Variants in ATP8A2 observed in about 807,000 individuals in gnomAD.
The protein encoded by ATP8A2 is ATPase phospholipid transporting 8A2, also known as phospholipid-transporting ATPase IB.
A neutral mutation model predicts 165.6 loss-of-function variants in ATP8A2; 100 were observed. That is an observed-to-expected ratio of 0.60 (90% CI 0.51 to 0.71). The LOEUF is 0.71. ATP8A2 is among the 30% of genes least tolerant of loss of function. The pLI, the probability that ATP8A2 is intolerant of heterozygous loss-of-function variation, is 0.00. For synonymous variants in ATP8A2, 543 were observed against 548.8 expected (o/e 0.99, Z 0.15); for missense variants, 1,227 against 1,479.5 (o/e 0.83, Z 2.80).
chr13:25,575,722 A>G (rs1459208948), intron 19 of ATP8A2, among the ~76,000 whole-genome samples: 3 of 152,078 alleles, frequency 2.0e-5, no homozygotes, highest in African/African-American at 7.2e-5. Context: ...GGGATGGCTG[A>G]TTACGGTGGT....
At chr13:25,513,397 G>T (rs1181597431) in intron 2 of ATP8A2, among the ~76,000 whole-genome samples, 1 of 142,962 alleles carries the variant, frequency 7.0e-6, no homozygotes, top group African/African-American at 2.5e-5. Flanking sequence ...TCCTAGATGG[G>T]ATGGCGGCCG....
intron 28 of ATP8A2, among the ~76,000 whole-genome samples, chr13:25,831,321 TCTC>T (rs1951463938): frequency 6.6e-6 from 1 of 151,514 alleles, no homozygotes; most frequent in Non-Finnish European, 1.5e-5. Context: ...TTCACGCCAT[TCTC>T]CTGCCTCAGC....
intron 1 of ATP8A2, among the ~76,000 whole-genome samples, chr13:25,440,902 C>G (rs1299351047): frequency 1.3e-5 from 2 of 152,252 alleles, no homozygotes; most frequent in East Asian, 1.9e-4. Context: ...CTTGACGTAG[C>G]TTTTTGCATT....
At chr13:25,831,643 GA>G (rs1951474433) in intron 28 of ATP8A2, among the ~76,000 whole-genome samples, 2 of 152,060 alleles carry the variant, frequency 1.3e-5, no homozygotes, top group African/African-American at 4.8e-5. Context: ...AAGAGTTCGA[GA>G]CCAGCCTGGC....
chr13:25,480,795 C>A (rs1038684064), intron 2 of ATP8A2, among the ~76,000 whole-genome samples: 1 of 149,400 alleles, frequency 6.7e-6, no homozygotes, highest in African/African-American at 2.5e-5. Context: ...TTTGGGAGGC[C>A]AAGGCAGGTG....
chr13:25,557,031 T>G (rs2039001650), intron 13 of ATP8A2, among the ~76,000 whole-genome samples: 1 of 152,174 alleles, frequency 6.6e-6, no homozygotes, highest in South Asian at 2.1e-4. Context: ...TGATGGTTTG[T>G]GTATCATTTT....
intron 25 of ATP8A2, among the ~76,000 whole-genome samples, chr13:25,736,087 T>G (rs2043762794): frequency 6.6e-6 from 1 of 152,240 alleles, no homozygotes; most frequent in South Asian, 2.1e-4. Context: ...AGTAGCATGT[T>G]GTACACATTT....
Position 25,372,610 on chromosome 13 carries a change from C to A in ATP8A2, c.76+322C>A, listed in dbSNP as rs954602536. On this transcript the variant is annotated intron_variant, in intron 1 of 36. Transcript: ENST00000381655. The surrounding 1 kb of genome is among the most constrained non-coding windows in gnomAD (Gnocchi z 4.8). ...GCCCGTGCGCCCCTACGCGCGGATG[C>A]GGCTCAGGGATGCGACCTAGGCGGC... Among the ~76,000 whole-genome samples, 2 of 152,192 alleles carry A rather than the reference C, an allele frequency of 1.3e-5. No individual in the cohort carries two copies. The highest frequency in any genetic ancestry group is 2.9e-5 in the Non-Finnish European group (2 of 68,028).
At chr13:25,937,362 C>CTTTCTTTCTTTTTTTTTTT in intron 33 of ATP8A2, among the ~76,000 whole-genome samples, 4 of 38,802 alleles carry the variant, frequency 1.0e-4, no homozygotes, top group African/African-American at 1.4e-4. Flanking sequence ...TTCTTTCTTT[C>CTTTCTTTCTTTTTTTTTTT]TTTTTTTTTT....
At chr13:25,537,863 C>T in intron 6 of ATP8A2, 125 bp from the exon 7 acceptor site, 3 of 550,764 alleles carry the variant, frequency 5.4e-6, no homozygotes, top group Non-Finnish European at 9.4e-6. Flanking sequence ...TTGGGCTTCT[C>T]TATCTTAAAC....
At chr13:25,791,947 A>T (rs957907244) in intron 27 of ATP8A2, among the ~76,000 whole-genome samples, 4 of 152,158 alleles carry the variant, frequency 2.6e-5, no homozygotes, top group Non-Finnish European at 5.9e-5. Context: ...CTAAAAGCTA[A>T]CCTAGCCACC....
intron 25 of ATP8A2, among the ~76,000 whole-genome samples, chr13:25,743,615 G>A (rs1410750854): frequency 6.6e-6 from 1 of 152,186 alleles, no homozygotes; most frequent in Non-Finnish European, 1.5e-5. Context: ...ATTTGTAATG[G>A]TAGATGTATC....
chr13:25,395,478 A>C (rs1051105483), intron 1 of ATP8A2, among the ~76,000 whole-genome samples: 37 of 152,290 alleles, frequency 2.4e-4, no homozygotes, highest in Admixed American at 2.2e-3. Context: ...ACATTTATTA[A>C]CGTATACATG....
intron 27 of ATP8A2, among the ~76,000 whole-genome samples, chr13:25,821,880 G>C (rs1490673493): frequency 2.0e-5 from 3 of 152,132 alleles, no homozygotes; most frequent in African/African-American, 7.2e-5. Context: ...ATCACCCCTA[G>C]CTGAGAATTA....
intron 35 of ATP8A2, among the ~76,000 whole-genome samples, chr13:25,981,281 T>A (rs1422708806): frequency 1.3e-5 from 2 of 152,246 alleles, no homozygotes; most frequent in Non-Finnish European, 2.9e-5. Flanking sequence ...GTGTACACAC[T>A]GTCTCTGAAA....
At chr13:25,590,457 G>T (rs1332393185) in intron 24 of ATP8A2, among the ~76,000 whole-genome samples, 1 of 152,108 alleles carries the variant, frequency 6.6e-6, no homozygotes, top group African/African-American at 2.4e-5. Context: ...ATAGTAATAG[G>T]ATACATGTAT....
chr13:25,978,430 A>C (rs1019274505), intron 35 of ATP8A2, among the ~76,000 whole-genome samples: 2 of 152,184 alleles, frequency 1.3e-5, no homozygotes, highest in African/African-American at 2.4e-5. Flanking sequence ...AGGCAGGTAC[A>C]CCCATCCTAA....
chr13:25,941,499 C>T (rs1955071696), intron 33 of ATP8A2, among the ~76,000 whole-genome samples: 1 of 152,144 alleles, frequency 6.6e-6, no homozygotes, highest in Non-Finnish European at 1.5e-5. Flanking sequence ...GCTCTTCTTA[C>T]CTGCGCCGAA....
At chr13:25,885,378 G>T (rs1164711825) in intron 33 of ATP8A2, among the ~76,000 whole-genome samples, 2 of 152,016 alleles carry the variant, frequency 1.3e-5, no homozygotes, top group Non-Finnish European at 2.9e-5. Context: ...CTCCCAAAGT[G>T]CTGGGATTAC....
Sources: allele counts gnomAD v4.1 joint callset (sites outside exome capture counted in the v4.1 genomes callset), GRCh38; gene constraint gnomAD v4.1.1; non-coding constraint Gnocchi (gnomAD v3.1); transcripts MANE v1.5; gene names NCBI Gene and HGNC (gene_info 2026-07-23, HGNC 2026-07-21).